Variants in CATSPER3 observed in about 807,000 individuals in gnomAD.
The protein encoded by CATSPER3 is cation channel sperm-associated protein 3.
In CATSPER3, 23 loss-of-function variants were observed where a neutral mutation model predicts 36.6. The observed-to-expected ratio is 0.63, with a 90% CI of 0.45 to 0.89. The LOEUF (loss-of-function observed/expected upper bound fraction) is 0.89, where lower values mean the gene tolerates loss of function less well. Among genes scored for constraint, CATSPER3 ranks in the 40% least tolerant of loss-of-function variants. The pLI is 0.00. For synonymous variants in CATSPER3, 172 were observed against 184.1 expected (o/e 0.93, Z 0.53); for missense variants, 474 against 503.9 (o/e 0.94, Z 0.57).
rs762420961 is a variant in CATSPER3 at position 135,008,837 on chromosome 5, G to T, written c.676-4G>T. On this transcript the variant is annotated splice_polypyrimidine_tract_variant and splice_region_variant and intron_variant, in intron 4 of 7. Coordinates refer to ENST00000282611, the MANE Select transcript of CATSPER3 (RefSeq NM_178019.3). Reference sequence around the variant, plus strand: ...CCTCAGCATACTCTTCCCTGCCTGAGCAGGTTGATGGCTGGACAGACCTGC... The same window carrying T: ...CCTCAGCATACTCTTCCCTGCCTGATCAGGTTGATGGCTGGACAGACCTGC... The T allele has an allele frequency of 1.2e-5, 19 of 1,614,114 alleles. No individual in the cohort carries two copies. The South Asian group carries it at 2.0e-4, about 17-fold the overall frequency.
chr5:134,996,186 C>A (rs1295539235), intron 2 of CATSPER3, 87 bp from the exon 3 acceptor site: 2 of 1,572,882 alleles, frequency 1.3e-6, no homozygotes, highest in Admixed American at 3.3e-5. Context: ...TTAGGAGCAC[C>A]CCTTCCGGGG....
At chr5:134,973,438 T>C (rs1387050212) in intron 2 of CATSPER3, among the ~76,000 whole-genome samples, 2 of 152,176 alleles carry the variant, frequency 1.3e-5, no homozygotes, top group African/African-American at 4.8e-5. Context: ...AATTGAGTAA[T>C]TATGGGACAG....
At chr5:134,984,308 A>G (rs911064712) in intron 2 of CATSPER3, among the ~76,000 whole-genome samples, 1 of 152,246 alleles carries the variant, frequency 6.6e-6, no homozygotes, top group African/African-American at 2.4e-5. Flanking sequence ...AAGCTTTTGC[A>G]AAGGAAATAA....
intron 6 of CATSPER3, among the ~76,000 whole-genome samples, 191 bp downstream of exon 6, chr5:135,009,681 C>A (rs1016326013): frequency 5.5e-4 from 10 of 18,034 alleles, no homozygotes; most frequent in Admixed American, 7.9e-4. Context: ...TTTTGTGTTT[C>A]TCTGGACCTC....
intron 3 of CATSPER3, among the ~76,000 whole-genome samples, chr5:135,001,044 T>A (rs1429823937): frequency 6.6e-6 from 1 of 152,256 alleles, no homozygotes; most frequent in Non-Finnish European, 1.5e-5. Flanking sequence ...TCTTTCCTGC[T>A]TTCTCTTGTG....
chr5:135,007,902 G>A, intron 3 of CATSPER3, 55 bp from the exon 4 acceptor site: 1 of 1,488,340 alleles, frequency 6.7e-7, no homozygotes. Flanking sequence ...CTCTGTCCCT[G>A]GAGCCCACCC....
At chr5:134,994,968 T>C (rs1336968779) in intron 2 of CATSPER3, among the ~76,000 whole-genome samples, 2 of 150,544 alleles carry the variant, frequency 1.3e-5, no homozygotes, top group African/African-American at 4.9e-5. Context: ...CCTTCCTCTC[T>C]GCCTCCTTTC....
At chr5:135,007,369 A>C (rs1172226939) in intron 3 of CATSPER3, among the ~76,000 whole-genome samples, 1 of 152,248 alleles carries the variant, frequency 6.6e-6, no homozygotes, top group African/African-American at 2.4e-5. Context: ...AATGAATGAT[A>C]AGGAGTCATA....
At chr5:134,970,545 G>A (rs1751590138) in intron 2 of CATSPER3, among the ~76,000 whole-genome samples, 2 of 150,662 alleles carry the variant, frequency 1.3e-5, no homozygotes, top group South Asian at 4.2e-4. Flanking sequence ...AGGGTGGCAA[G>A]AGCAGCAGTG....
At chr5:134,990,502 C>T (rs1280438020) in intron 2 of CATSPER3, among the ~76,000 whole-genome samples, 1 of 152,166 alleles carries the variant, frequency 6.6e-6, no homozygotes, top group Non-Finnish European at 1.5e-5. Context: ...CTAAGCAGTT[C>T]TCAGCTTGAC....
At chr5:134,977,002 A>G (rs1253328525) in intron 2 of CATSPER3, among the ~76,000 whole-genome samples, 1 of 152,158 alleles carries the variant, frequency 6.6e-6, no homozygotes, top group African/African-American at 2.4e-5. Context: ...GGCCCCAGAA[A>G]TCATTCAGTC....
chr5:135,007,929 C>T (rs1261634246), intron 3 of CATSPER3, 28 bp from the exon 4 acceptor site: 14 of 1,604,950 alleles, frequency 8.7e-6, no homozygotes, highest in South Asian at 5.5e-5. Flanking sequence ...GTGGTACCCT[C>T]GCCTACCACA....
intron 3 of CATSPER3, among the ~76,000 whole-genome samples, chr5:135,002,663 A>T (rs1752035496): frequency 6.6e-6 from 1 of 150,882 alleles, no homozygotes; most frequent in Non-Finnish European, 1.5e-5. Context: ...TGTTCGTTTT[A>T]CTCTTTTTTC....
chr5:134,996,151 T>C (rs1178221235), intron 2 of CATSPER3, 122 bp from the exon 3 acceptor site: 2 of 1,224,734 alleles, frequency 1.6e-6, no homozygotes, highest in African/African-American at 2.9e-5. Flanking sequence ...AAACTCTGCC[T>C]GGGTTTCTCT....
At chr5:134,976,863 C>A (rs1173853383) in intron 2 of CATSPER3, among the ~76,000 whole-genome samples, 1 of 152,252 alleles carries the variant, frequency 6.6e-6, no homozygotes, top group Non-Finnish European at 1.5e-5. Flanking sequence ...AGCTTGTGCT[C>A]TCCAAAGTCA....
At chr5:134,993,727 A>G (rs1373772987) in intron 2 of CATSPER3, among the ~76,000 whole-genome samples, 1 of 152,230 alleles carries the variant, frequency 6.6e-6, no homozygotes, top group African/African-American at 2.4e-5. Context: ...AACATTATAT[A>G]TCCTTTAATG....
At chr5:135,006,502 G>T (rs1017095399) in intron 3 of CATSPER3, among the ~76,000 whole-genome samples, 3 of 152,092 alleles carry the variant, frequency 2.0e-5, no homozygotes, top group African/African-American at 7.2e-5. Context: ...CCTTGGGAAA[G>T]AAGTTCTGCC....
At chr5:135,002,268 T>G (rs1026769940) in intron 3 of CATSPER3, among the ~76,000 whole-genome samples, 1 of 152,246 alleles carries the variant, frequency 6.6e-6, no homozygotes, top group Non-Finnish European at 1.5e-5. Context: ...AATTCTTTTC[T>G]TTCAGAATGT....
chr5:135,009,757 C>T (rs1407119940), intron 6 of CATSPER3, among the ~76,000 whole-genome samples: 1 of 152,170 alleles, frequency 6.6e-6, no homozygotes, highest in Admixed American at 6.5e-5. Flanking sequence ...ACTGCTGGGC[C>T]CTTTGGGGCC....
Sources: allele counts gnomAD v4.1 joint callset (sites outside exome capture counted in the v4.1 genomes callset), GRCh38; gene constraint gnomAD v4.1.1; transcripts MANE v1.5; gene names NCBI Gene and HGNC (gene_info 2026-07-23, HGNC 2026-07-21).